The following UROC1 variants were observed in gnomAD, a reference collection of about 807,000 sequenced individuals.
UROC1 encodes urocanate hydratase.
A neutral mutation model predicts 89.5 loss-of-function variants in UROC1; 79 were observed. The ratio of observed to expected loss-of-function variants is 0.88; its 90% confidence interval spans 0.74 to 1.06. The LOEUF is 1.06. Ranked by LOEUF, UROC1 falls within the 50% of genes least tolerant of loss-of-function variation. The probability of loss-of-function intolerance (pLI) is 0.00; values close to 1 mark genes in which losing one functional copy is unlikely to be tolerated. For missense variants in UROC1, 885 were observed against 907.8 expected (o/e 0.97, Z 0.32); for synonymous variants, 361 against 354.8 (o/e 1.02, Z -0.20).
At chr3:126,513,170 T>TGTGTC in intron 1 of UROC1, among the ~76,000 whole-genome samples, 1 of 115,720 alleles carries the variant, frequency 8.6e-6, no homozygotes, top group Admixed American at 8.8e-5. Flanking sequence ...GTGTGTGTGT[T>TGTGTC]CAGCCTAGGA....
At chr3:126,485,613 G>C (rs1340611517) in intron 18 of UROC1, among the ~76,000 whole-genome samples, 4 of 137,378 alleles carry the variant, frequency 2.9e-5, no homozygotes, top group African/African-American at 1.0e-4. Context: ...TTTTTTGGTA[G>C]AGAGGGTGTC....
chr3:126,506,285 T>C (rs775605091), intron 6 of UROC1, among the ~76,000 whole-genome samples: 10 of 152,198 alleles, frequency 6.6e-5, no homozygotes, highest in African/African-American at 2.4e-5. Flanking sequence ...AATATTTGGC[T>C]GTATAGACTC....
In UROC1 at chr3:126,496,901, G is replaced by A. The variant is rs533206830; in HGVS notation, c.1439-793C>T. On this transcript the variant is annotated intron_variant, in intron 14 of 19. Coordinates refer to ENST00000290868, the MANE Select transcript of UROC1 (RefSeq NM_144639.3). ...CGGGCATGTGGAGCTGGGTCAGCACGCCTGGAAACCAGCCAGGCCTGGAGT... is the reference window on the plus strand; with the variant it reads ...CGGGCATGTGGAGCTGGGTCAGCACACCTGGAAACCAGCCAGGCCTGGAGT... Among the ~76,000 whole-genome samples, 23 of 152,272 alleles carry A rather than the reference G, an allele frequency of 1.5e-4. No individual in the cohort carries two copies. The South Asian group carries it at 2.9e-3, about 19-fold the overall frequency.
chr3:126,483,063 C>A (rs972285215), intron 19 of UROC1, among the ~76,000 whole-genome samples: 1 of 152,274 alleles, frequency 6.6e-6, no homozygotes, highest in Non-Finnish European at 1.5e-5. Flanking sequence ...CCTGCCAGCA[C>A]CCTCTCTGTC....
At chr3:126,510,829 G>A (rs760434461) in intron 1 of UROC1, 35 bp from the exon 2 acceptor site, 1 of 1,606,308 alleles carries the variant, frequency 6.2e-7, no homozygotes, top group East Asian at 2.2e-5. Context: ...GTCGGGGCTG[G>A]GACTCCAGGC....
chr3:126,503,805 C>T (rs1303818879), intron 9 of UROC1, among the ~76,000 whole-genome samples, 190 bp downstream of exon 9: 1 of 152,208 alleles, frequency 6.6e-6, no homozygotes, highest in Non-Finnish European at 1.5e-5. Context: ...ACCCGCGGGT[C>T]AGCCCTTGTG....
chr3:126,508,285 A>C, intron 4 of UROC1, 131 bp downstream of exon 4: 2 of 1,364,682 alleles, frequency 1.5e-6, no homozygotes, highest in Non-Finnish European at 2.1e-6. Flanking sequence ...CACAATCTCC[A>C]ATGCTGGAGC....
At chr3:126,482,614 T>C in intron 19 of UROC1, 129 bp from the exon 20 acceptor site, 1 of 1,390,428 alleles carries the variant, frequency 7.2e-7, no homozygotes, top group Non-Finnish European at 1.0e-6. Context: ...GCTGCCCTTT[T>C]GTGTCTGCCC....
chr3:126,508,559 C>T (rs1936123409), intron 3 of UROC1, 84 bp from the exon 4 acceptor site: 1 of 1,103,228 alleles, frequency 9.1e-7, no homozygotes, highest in Non-Finnish European at 1.4e-6. Flanking sequence ...GGCCCCCATC[C>T]CCTGGGGGCC....
chr3:126,496,063 A>T lies in UROC1; in HGVS notation c.1484T>A (p.Ile495Asn), dbSNP rs1414202773. The T allele has an allele frequency of 6.2e-7, 1 of 1,613,394 alleles. No individual in the cohort carries two copies. Among genetic ancestry groups the T allele is most frequent in the Non-Finnish European group, 8.5e-7 (1 of 1,179,988 alleles). The change falls in exon 15 of 20, where the codon ATC (isoleucine) becomes AAC (asparagine). Residue 495 changes from isoleucine (I) to asparagine (N), a missense_variant. By Grantham distance (149) the Ile-to-Asn change is moderately radical (BLOSUM62 -3). Coordinates refer to ENST00000290868, the MANE Select transcript of UROC1 (RefSeq NM_144639.3). Reference sequence around the variant, plus strand: ...CAGCCGGTGCCTGGCGGCCTCCCGGATCCAGCGGATGTTGTCCATGTACTG... The same window carrying T: ...CAGCCGGTGCCTGGCGGCCTCCCGGTTCCAGCGGATGTTGTCCATGTACTG... ...KLQYMDNIRW[I>N]REAARHRLVV...
chr3:126,498,011 G>T, intron 14 of UROC1, 40 bp downstream of exon 14: 1 of 1,613,476 alleles, frequency 6.2e-7, no homozygotes, highest in South Asian at 1.1e-5. Flanking sequence ...AAGCTTTGGG[G>T]GGGCCACCCA....
intron 12 of UROC1, 82 bp downstream of exon 12, chr3:126,499,975 G>A: frequency 7.3e-7 from 1 of 1,367,586 alleles, no homozygotes; most frequent in South Asian, 1.2e-5. Context: ...CTCCGAGTGA[G>A]GTGGGAGCCA....
intron 3 of UROC1, 77 bp downstream of exon 3, chr3:126,509,508 G>T (rs1936148709): frequency 7.5e-7 from 1 of 1,324,692 alleles, no homozygotes; most frequent in Non-Finnish European, 1.1e-6. Context: ...AAAATTAAGA[G>T]CTTAAAAGCA....
At chr3:126,499,977 T>C (rs1320641865) in intron 12 of UROC1, 80 bp downstream of exon 12, 1 of 1,376,888 alleles carries the variant, frequency 7.3e-7, no homozygotes, top group Admixed American at 1.7e-5. Context: ...CCGAGTGAGG[T>C]GGGAGCCAGT....
Position 126,510,874 on chromosome 3 carries a change from C to G in UROC1, c.127-80G>C, listed in dbSNP as rs1936180809. On this transcript the variant is annotated intron_variant, in intron 1 of 19. Coordinates refer to ENST00000290868, the MANE Select transcript of UROC1 (RefSeq NM_144639.3). ...TGAGGCCCCGCGATGGGCCATCCTC[C>G]TCCCAAATGGATTTGTCTCTGCTCC... The G allele has an allele frequency of 2.6e-6, 4 of 1,556,678 alleles. No homozygotes were observed. The South Asian group carries it at 4.7e-5, about 18-fold the overall frequency.
chr3:126,501,790 T>C, intron 9 of UROC1: 1 of 1,599,118 alleles, frequency 6.3e-7, no homozygotes, highest in Non-Finnish European at 8.5e-7. Context: ...AAGAGCAGAT[T>C]GAATGCTTAC....
In UROC1 at chr3:126,503,904, C is replaced by T; in HGVS notation, c.902+91G>A. 3 of 1,448,104 alleles carry T rather than the reference C, an allele frequency of 2.1e-6. No individual in the cohort carries two copies. In the South Asian group the frequency reaches 3.4e-5, roughly 16 times the overall value. 89.7% of individuals were successfully genotyped at this position (1,448,104 alleles called of 1,614,324 possible). ...GCCAGCTGTCAGGCATTAAACAGGC[C>T]CACACCAAGCTGCCCCATGGGGGTC... On this transcript the variant is annotated intron_variant, in intron 9 of 19. Transcript: ENST00000290868.
rs1052441447 is a variant in UROC1, at chr3:126,510,534, C to T, written c.257+130G>A. On this transcript the variant is annotated intron_variant, in intron 2 of 19. Coordinates refer to ENST00000290868, the MANE Select transcript of UROC1 (RefSeq NM_144639.3). ...ACGACACAGAATCTTCCCTCCCCTG[C>T]CTCCTGGTCTGGACAGACTGGGTTT... is the stretch of plus-strand genomic sequence containing the variant. 4.2e-6 allele frequency: 6 copies of T among 1,442,256 alleles called. No individual in the cohort carries two copies. In the Admixed American group the frequency reaches 7.9e-5, roughly 19 times the overall value. 89.3% of individuals were successfully genotyped at this position (1,442,256 alleles called of 1,614,324 possible).
chr3:126,505,671 G>T (rs1257287915), intron 8 of UROC1, 30 bp downstream of exon 8: 1 of 1,612,920 alleles, frequency 6.2e-7, no homozygotes, highest in Admixed American at 1.7e-5. Context: ...GAGGCAGGCA[G>T]GAGCGAAGGC....
Sources: allele counts gnomAD v4.1 joint callset (sites outside exome capture counted in the v4.1 genomes callset), GRCh38; gene constraint gnomAD v4.1.1; transcripts MANE v1.5; gene names NCBI Gene and HGNC (gene_info 2026-07-23, HGNC 2026-07-21).